The following TOLLIP variants were observed in gnomAD, a reference collection of about 807,000 sequenced individuals.
The protein encoded by TOLLIP is toll interacting protein.
A neutral mutation model predicts 33.5 loss-of-function variants in TOLLIP; 16 were observed. That is an observed-to-expected ratio of 0.48 (90% confidence interval 0.32 to 0.72). The LOEUF (loss-of-function observed/expected upper bound fraction) is 0.72, where lower values mean the gene tolerates loss of function less well. Ranked by LOEUF, TOLLIP falls within the 30% of genes least tolerant of loss-of-function variation. The pLI, the probability that TOLLIP is intolerant of heterozygous loss-of-function variation, is 0.03. For synonymous variants in TOLLIP, 176 were observed against 163.7 expected, an observed-to-expected ratio of 1.07 and a Z score of -0.57; for missense variants, 325 against 396.6, an observed-to-expected ratio of 0.82 and a Z score of 1.53.
At chr11:1,302,494 G>A (rs2133930252) in intron 1 of TOLLIP, 5 of 856,986 alleles carry the variant, frequency 5.8e-6, no homozygotes, top group Non-Finnish European at 7.0e-6. Flanking sequence ...AAGGCTAGAA[G>A]GAAAACTGCA....
chr11:1,288,348 G>A (rs1308347963), intron 4 of TOLLIP, among the ~76,000 whole-genome samples: 1 of 152,106 alleles, frequency 6.6e-6, no homozygotes, highest in Non-Finnish European at 1.5e-5. Flanking sequence ...GCCTGCAGTG[G>A]AGACCACCAC....
Position 1,276,880 on chromosome 11 carries a change from T to G in TOLLIP, c.*159A>C, listed in dbSNP as rs771193459. On this transcript the variant is annotated 3_prime_UTR_variant, in exon 6 of 6. Coordinates refer to ENST00000317204, the MANE Select transcript of TOLLIP (RefSeq NM_019009.4). The stretch of plus-strand genomic sequence containing the variant: ...GACCGCCAGGAACCGAAAACCCACA[T>G]GCACCCAAGAACAGGTGTGGACGGG... The G allele has an allele frequency of 5.2e-6, 8 of 1,547,118 alleles. No individual in the cohort carries two copies.
At chr11:1,304,239 C>T (rs935699944) in intron 1 of TOLLIP, among the ~76,000 whole-genome samples, 3 of 152,002 alleles carry the variant, frequency 2.0e-5, no homozygotes, top group Admixed American at 2.0e-4. Flanking sequence ...GACCGTCCAC[C>T]GGGAGTACTG....
At chr11:1,306,567 T>A (rs1311444249) in intron 1 of TOLLIP, among the ~76,000 whole-genome samples, 2 of 152,044 alleles carry the variant, frequency 1.3e-5, no homozygotes, top group East Asian at 3.9e-4. Flanking sequence ...AAATACTGTG[T>A]CAAGACATCC....
intron 5 of TOLLIP, among the ~76,000 whole-genome samples, chr11:1,284,611 G>A (rs948076059): frequency 2.0e-5 from 3 of 152,118 alleles, no homozygotes; most frequent in Non-Finnish European, 2.9e-5. Context: ...GGCCTCCCAA[G>A]GTGCCGGGAT....
chr11:1,300,293 A>G (rs1245286053), intron 1 of TOLLIP, among the ~76,000 whole-genome samples: 1 of 152,188 alleles, frequency 6.6e-6, no homozygotes, highest in Non-Finnish European at 1.5e-5. Context: ...CCGCTCTCAG[A>G]GGATCACGAC....
At chr11:1,287,985 G>C (rs1863800900) in intron 4 of TOLLIP, among the ~76,000 whole-genome samples, 1 of 151,936 alleles carries the variant, frequency 6.6e-6, no homozygotes, top group Admixed American at 6.6e-5. Flanking sequence ...AAATCCTCTG[G>C]TTGATGATAC....
At chr11:1,285,908 C>T (rs1863675748) in intron 5 of TOLLIP, 94 bp downstream of exon 5, 1 of 902,006 alleles carries the variant, frequency 1.1e-6, no homozygotes, top group African/African-American at 1.7e-5. Context: ...CGTCCCCACC[C>T]CGGCGCTCTA....
At chr11:1,301,389 G>A (rs899784253) in intron 1 of TOLLIP, among the ~76,000 whole-genome samples, 14 of 152,244 alleles carry the variant, frequency 9.2e-5, no homozygotes, top group Middle Eastern at 3.4e-3. Context: ...AACGGCATCC[G>A]CAGGCGCCTG....
At chr11:1,307,717 C>T (rs1864456102) in intron 1 of TOLLIP, among the ~76,000 whole-genome samples, 1 of 152,128 alleles carries the variant, frequency 6.6e-6, no homozygotes, top group Admixed American at 6.5e-5. Context: ...CGGCAACTTG[C>T]GGGGACTCAC....
chr11:1,282,260 G>A (rs556905095), intron 5 of TOLLIP, among the ~76,000 whole-genome samples: 4 of 152,286 alleles, frequency 2.6e-5, no homozygotes, highest in African/African-American at 9.6e-5. Context: ...CCGCCTGAGG[G>A]GGCTCCCTCT....
At chr11:1,288,797 A>C in intron 3 of TOLLIP, 21 bp from the exon 4 acceptor site, 1 of 1,606,622 alleles carries the variant, frequency 6.2e-7, no homozygotes, top group Non-Finnish European at 8.5e-7. Context: ...CAAGAGGGAG[A>C]GGCCCCAGGC....
At chr11:1,279,392 G>T (rs1047818189) in intron 5 of TOLLIP, among the ~76,000 whole-genome samples, 3 of 152,240 alleles carry the variant, frequency 2.0e-5, no homozygotes, top group Non-Finnish European at 1.5e-5. Context: ...GCACGGATGT[G>T]TCCATCAAGC....
At chr11:1,287,918 T>TGCTGCACCCTCC (rs1863798924) in intron 4 of TOLLIP, among the ~76,000 whole-genome samples, 1 of 147,480 alleles carries the variant, frequency 6.8e-6, no homozygotes. Context: ...CTGCACCCTC[T>TGCTGCACCCTCC]CTGCTGTCAC....
intron 1 of TOLLIP, among the ~76,000 whole-genome samples, chr11:1,306,685 G>C (rs1265975416): frequency 6.6e-6 from 1 of 152,098 alleles, no homozygotes; most frequent in Middle Eastern, 3.2e-3. Context: ...CTGGTGCCAA[G>C]GCGGGCCCTG....
intron 5 of TOLLIP, among the ~76,000 whole-genome samples, chr11:1,281,540 G>A (rs1863497327): frequency 6.6e-6 from 1 of 152,184 alleles, no homozygotes; most frequent in South Asian, 2.1e-4. Context: ...CCTGCACCCT[G>A]TGCGGGGGTC....
intron 4 of TOLLIP, among the ~76,000 whole-genome samples, chr11:1,288,048 T>G (rs1863803655): frequency 6.6e-6 from 1 of 152,096 alleles, no homozygotes; most frequent in Non-Finnish European, 1.5e-5. Flanking sequence ...GCCCTCCTGA[T>G]GCCCCCAGGA....
intron 2 of TOLLIP, among the ~76,000 whole-genome samples, chr11:1,291,560 T>A (rs1305756068): frequency 9.4e-5 from 4 of 42,470 alleles, no homozygotes; most frequent in South Asian, 8.3e-4. Context: ...CCATCCTCAC[T>A]GACGCCCCTC....
At chr11:1,289,170 T>C (rs962800317) in intron 3 of TOLLIP, among the ~76,000 whole-genome samples, 21 of 152,238 alleles carry the variant, frequency 1.4e-4, no homozygotes, top group Admixed American at 1.3e-3. Flanking sequence ...GGGTGCAGAC[T>C]GGAAAGGACA....
Sources: allele counts gnomAD v4.1 joint callset (sites outside exome capture counted in the v4.1 genomes callset), GRCh38; gene constraint gnomAD v4.1.1; transcripts MANE v1.5; gene names NCBI Gene and HGNC (gene_info 2026-07-23, HGNC 2026-07-21).